ABL2: variants seen among roughly 807,000 people sequenced by gnomAD.
The protein encoded by ABL2 is ABL proto-oncogene 2, non-receptor tyrosine kinase, also known as tyrosine-protein kinase ABL2.
Under a neutral mutation model 107.7 loss-of-function variants are expected in ABL2, and 49 were observed. That is an observed-to-expected ratio of 0.45 (90% CI 0.36 to 0.58). The LOEUF is 0.58. Ranked by LOEUF, ABL2 falls within the 20% of genes least tolerant of loss-of-function variation. ABL2 has a pLI of 0.00. For missense variants in ABL2, 1,245 were observed against 1,457.0 expected, an observed-to-expected ratio of 0.85 and a Z score of 2.37; for synonymous variants, 549 against 548.6, an observed-to-expected ratio of 1.00 and a Z score of -0.01.
At position 179,158,427 on chromosome 1, in the gene ABL2, A is replaced by T. The variant is rs1571219338; in HGVS notation, c.158-25053T>A. Among the ~76,000 whole-genome samples, 10 of 152,318 alleles carry T rather than the reference A, an allele frequency of 6.6e-5. No homozygotes were observed. The South Asian group carries it at 2.1e-3, about 32-fold the overall frequency. On this transcript the variant is annotated intron_variant, in intron 1 of 11. Coordinates refer to ENST00000502732, the MANE Select transcript of ABL2 (RefSeq NM_007314.4). ...ACAGATGAACAGACCATGTGGTAAG[A>T]TGTAGAGATACAATTCTGGAATAGG...
chr1:179,144,173 G>A (rs1399996076), intron 1 of ABL2, among the ~76,000 whole-genome samples: 1 of 152,010 alleles, frequency 6.6e-6, no homozygotes, highest in East Asian at 1.9e-4. Context: ...AAGAGCGTTT[G>A]TAGGCCAGGG....
chr1:179,223,849 C>T (rs892621673), intron 1 of ABL2, among the ~76,000 whole-genome samples: 1 of 151,152 alleles, frequency 6.6e-6, no homozygotes, highest in Non-Finnish European at 1.5e-5. Flanking sequence ...AACTACTGGC[C>T]GGGTGCGGTG....
chr1:179,120,299 G>A (rs1396827123), intron 5 of ABL2, 25 bp from the exon 6 acceptor site: 1 of 1,495,664 alleles, frequency 6.7e-7, no homozygotes, highest in Non-Finnish European at 9.3e-7. Flanking sequence ...AGGTAAGAAA[G>A]AAGAAAACGA....
intron 1 of ABL2, among the ~76,000 whole-genome samples, chr1:179,150,387 A>G (rs1401964159): frequency 6.6e-6 from 1 of 152,228 alleles, no homozygotes; most frequent in African/African-American, 2.4e-5. Context: ...AAATAGCAAC[A>G]CTAACAAGAG....
chr1:179,165,779 C>T (rs1196375654), intron 1 of ABL2, among the ~76,000 whole-genome samples: 1 of 148,886 alleles, frequency 6.7e-6, no homozygotes, highest in African/African-American at 2.5e-5. Context: ...GTATATAATC[C>T]CAGCCAGACA....
chr1:179,185,449 A>T (rs1051021535), intron 1 of ABL2, among the ~76,000 whole-genome samples: 1 of 152,080 alleles, frequency 6.6e-6, no homozygotes, highest in African/African-American at 2.4e-5. Flanking sequence ...GTTTTTTTTA[A>T]AAAAAATTTT....
chr1:179,156,129 C>T (rs1658674057), intron 1 of ABL2, among the ~76,000 whole-genome samples: 1 of 152,162 alleles, frequency 6.6e-6, no homozygotes, highest in Non-Finnish European at 1.5e-5. Context: ...AACAAAAAAA[C>T]AGGTTCTTCT....
chr1:179,108,267 T>C lies in ABL2; in HGVS notation c.3000A>G (p.Ser1000=), dbSNP rs771944405. The C allele has an allele frequency of 8.7e-6, 14 of 1,613,750 alleles. No homozygotes were observed. The highest frequency in any genetic ancestry group is 1.2e-5 in the Non-Finnish European group (14 of 1,180,000). ...GGGCAGTTGGCTCTTCTGTAGGGTC[T>C]GAGCAGATGGACGGATGCTGCAGTA... ...MRLLQHPSIC[S]DPTEEPTALT... The change falls in exon 12 of 12, where the codon TCA becomes TCG. Residue 1000 remains serine (S), a synonymous_variant. Coordinates refer to ENST00000502732, the MANE Select transcript of ABL2 (RefSeq NM_007314.4).
chr1:179,206,039 A>T (rs1203815881), intron 1 of ABL2, among the ~76,000 whole-genome samples: 1 of 152,200 alleles, frequency 6.6e-6, no homozygotes, highest in African/African-American at 2.4e-5. Context: ...ATTGAATTAC[A>T]GGGATGTTGA....
At chr1:179,123,522 A>G (rs1655429011) in intron 4 of ABL2, among the ~76,000 whole-genome samples, 1 of 152,190 alleles carries the variant, frequency 6.6e-6, no homozygotes, top group Non-Finnish European at 1.5e-5. Flanking sequence ...GAAAAGAGCC[A>G]CACTGGATTT....
intron 1 of ABL2, among the ~76,000 whole-genome samples, chr1:179,157,921 T>C (rs879445465): frequency 6.6e-6 from 1 of 152,160 alleles, no homozygotes; most frequent in Non-Finnish European, 1.5e-5. Context: ...TTCACCAGGA[T>C]AGCTGGGCCC....
Position 179,102,085 on chromosome 1 carries a change from C to T in ABL2, c.*5633G>A, listed in dbSNP as rs1653148699. ...GGAGTGCAGTGGCGCGATCTGGGCT[C>T]ACTGCAAGCTCCGCCTCCTGGGTTC... On this transcript the variant is annotated 3_prime_UTR_variant, in exon 12 of 12. Coordinates refer to ENST00000502732, the MANE Select transcript of ABL2 (RefSeq NM_007314.4). 1 of 128,506 alleles carries T rather than the reference C, an allele frequency of 7.8e-6. No individual in the cohort carries two copies. The highest frequency in any genetic ancestry group is 3.1e-5 in the African/African-American group (1 of 32,466). 8.0% of individuals were successfully genotyped at this position (128,506 alleles called of 1,614,324 possible). A position where few individuals can be genotyped will look rare whatever the true frequency, so the allele number is the denominator to read the frequency against.
At chr1:179,174,772 G>A (rs1354843790) in intron 1 of ABL2, among the ~76,000 whole-genome samples, 1 of 151,258 alleles carries the variant, frequency 6.6e-6, no homozygotes, top group African/African-American at 2.4e-5. Context: ...GCACGCACCT[G>A]TAATCCCAGG....
intron 1 of ABL2, among the ~76,000 whole-genome samples, chr1:179,213,356 CAG>C (rs1350935273): frequency 4.0e-5 from 6 of 151,548 alleles, no homozygotes; most frequent in East Asian, 1.9e-4. Context: ...TCGTGGAGAA[CAG>C]AGTCTTGCTA....
chr1:179,119,167 C>A (rs1448429718), intron 6 of ABL2, among the ~76,000 whole-genome samples: 1 of 152,114 alleles, frequency 6.6e-6, no homozygotes, highest in African/African-American at 2.4e-5. Flanking sequence ...GTGAGCCCCA[C>A]CTGCAATACT....
intron 1 of ABL2, among the ~76,000 whole-genome samples, chr1:179,164,439 T>C (rs1484717146): frequency 6.6e-6 from 1 of 152,212 alleles, no homozygotes; most frequent in Non-Finnish European, 1.5e-5. Flanking sequence ...AGGTCCTTCC[T>C]AAACACATAA....
At chr1:179,222,460 G>A (rs567366539) in intron 1 of ABL2, among the ~76,000 whole-genome samples, 107 of 151,096 alleles carry the variant, frequency 7.1e-4, no homozygotes, top group Non-Finnish European at 1.3e-3. Flanking sequence ...GCACGATCTC[G>A]GCTCACTGCA....
At position 179,105,529 on chromosome 1, in the gene ABL2, C is replaced by T. The variant is rs902460552; in HGVS notation, c.*2189G>A. The T allele has an allele frequency of 4.8e-5, 11 of 229,328 alleles. No individual in the cohort carries two copies. The highest frequency in any genetic ancestry group is 8.9e-5 in the African/African-American group (4 of 45,086). 14.2% of individuals were successfully genotyped at this position (229,328 alleles called of 1,614,324 possible). ...GCAGGAAAGAAGGTGGGAGAAGGACCGCTGGTTTTTACATCTGAGTTCTCT... is the reference window on the plus strand; with the variant it reads ...GCAGGAAAGAAGGTGGGAGAAGGACTGCTGGTTTTTACATCTGAGTTCTCT... On this transcript the variant is annotated 3_prime_UTR_variant, in exon 12 of 12. Transcript: ENST00000502732.
At chr1:179,162,641 T>C (rs934942411) in intron 1 of ABL2, among the ~76,000 whole-genome samples, 6 of 152,182 alleles carry the variant, frequency 3.9e-5, no homozygotes, top group African/African-American at 1.4e-4. Flanking sequence ...GAGCATGTAA[T>C]GTATCTCAGA....
Sources: allele counts gnomAD v4.1 joint callset (sites outside exome capture counted in the v4.1 genomes callset), GRCh38; gene constraint gnomAD v4.1.1; transcripts MANE v1.5; gene names NCBI Gene and HGNC (gene_info 2026-07-23, HGNC 2026-07-21).